DNAAF4: variants seen among roughly 807,000 people sequenced by gnomAD.
DNAAF4 encodes the protein dynein axonemal assembly factor 4.
DNAAF4 carries 43 observed loss-of-function variants against 51.8 expected under a neutral mutation model. The observed-to-expected ratio is 0.83, with a 90% confidence interval of 0.65 to 1.07. The LOEUF is 1.07. DNAAF4 is among the 50% of genes least tolerant of loss of function. The probability of loss-of-function intolerance (pLI) is 0.00; values close to 1 mark genes in which losing one functional copy is unlikely to be tolerated. For missense variants in DNAAF4, 581 were observed against 493.0 expected (o/e 1.18, Z -1.69); for synonymous variants, 194 against 165.6 (o/e 1.17, Z -1.32).
chr15:55,419,943 C>T (rs1389486411), intron 7 of DNAAF4, among the ~76,000 whole-genome samples: 3 of 151,864 alleles, frequency 2.0e-5, no homozygotes, highest in Admixed American at 6.6e-5. Flanking sequence ...GTGGAGGTTG[C>T]AGTGAGCCAA....
At chr15:55,462,601 C>T (rs191417809) in intron 5 of DNAAF4, among the ~76,000 whole-genome samples, 53 of 151,436 alleles carry the variant, frequency 3.5e-4, no homozygotes, top group African/African-American at 1.3e-3. Flanking sequence ...GCCAGTACTA[C>T]CCTAATACCA....
intron 5 of DNAAF4, among the ~76,000 whole-genome samples, chr15:55,458,708 G>A (rs750869729): frequency 2.0e-5 from 3 of 152,152 alleles, no homozygotes; most frequent in Non-Finnish European, 4.4e-5. Context: ...GGAATTCATT[G>A]CAAAAAGATC....
chr15:55,430,299 A>G (rs2057473835), downstream of DNAAF4: 4 of 808,288 alleles, frequency 4.9e-6, no homozygotes, highest in Non-Finnish European at 6.0e-6. Flanking sequence ...ATATTAATAC[A>G]AACAAAAGTT....
chr15:55,494,694 G>T (rs1469636428), intron 3 of DNAAF4, among the ~76,000 whole-genome samples: 1 of 152,188 alleles, frequency 6.6e-6, no homozygotes, highest in Non-Finnish European at 1.5e-5. Context: ...TTACAAGCAT[G>T]AGCCACTGCG....
chr15:55,425,286 TC>T (rs1566995876), intron 7 of DNAAF4, among the ~76,000 whole-genome samples: 1 of 152,012 alleles, frequency 6.6e-6, no homozygotes, highest in African/African-American at 2.4e-5. Context: ...TTCCCTACCA[TC>T]CCCCCGGTGA....
chr15:55,497,748 C>A lies in DNAAF4; in HGVS notation c.235G>T (p.Glu79Ter). Residue 79 changes from glutamate to a stop codon, truncating the protein, a stop_gained, in exon 3 of 10, where the codon GAA becomes TAA. Coordinates refer to ENST00000321149, the MANE Select transcript of DNAAF4 (RefSeq NM_130810.4). LOFTEE classifies it high-confidence loss of function. ...DTIVFTLYKKEAAMWETLSVT... is the reference protein window; with the variant it reads ...DTIVFTLYKK ...GAAAGGGTCTCCCACATGGCCGCTT[C>A]TTTTTTATACAAGGTGAAGACAATG... 1.9e-6 allele frequency: 3 copies of A among 1,587,894 alleles called. No individual in the cohort carries two copies.
chr15:55,478,917 G>A (rs563516947), intron 4 of DNAAF4, among the ~76,000 whole-genome samples: 1 of 152,180 alleles, frequency 6.6e-6, no homozygotes, highest in South Asian at 2.1e-4. Flanking sequence ...TATCTTCAAT[G>A]CAACCACCCC....
chr15:55,491,008 T>A (rs2058564229), intron 4 of DNAAF4, 115 bp downstream of exon 4: 2 of 1,219,622 alleles, frequency 1.6e-6, no homozygotes, highest in African/African-American at 1.5e-5. Flanking sequence ...ACATAGTAAG[T>A]CCTCTAAACA....
Position 55,430,709 on chromosome 15 carries a change from C to A in DNAAF4, c.1224G>T (p.Lys408Asn). 1 of 1,613,378 alleles carries A rather than the reference C, an allele frequency of 6.2e-7. No individual in the cohort carries two copies. The highest frequency in any genetic ancestry group is 8.5e-7 in the Non-Finnish European group (1 of 1,179,620). The change falls in exon 10 of 10, where the codon AAG (lysine) becomes AAT (asparagine). Residue 408 changes from lysine (K) to asparagine (N), a missense_variant. Transcript: ENST00000321149. ...SNKIVQIDAEKIRNVIQGTEL... is the reference protein window; with the variant it reads ...SNKIVQIDAENIRNVIQGTEL... ...CTGTTCCTTGAATTACATTCCGAAT[C>A]TTCTCAGCATCAATTTGTACAATTT...
chr15:55,500,039 CT>C (rs552570030), intron 1 of DNAAF4, among the ~76,000 whole-genome samples: 1 of 151,668 alleles, frequency 6.6e-6, no homozygotes, highest in Non-Finnish European at 1.5e-5. Context: ...TGATTTTCAA[CT>C]TTTTTTTAAC....
intron 4 of DNAAF4, among the ~76,000 whole-genome samples, chr15:55,477,904 GAA>G (rs68187085): frequency 3.5e-5 from 5 of 144,654 alleles, no homozygotes; most frequent in African/African-American, 1.3e-4. Context: ...TGTCTCTACT[GAA>G]AAAAAAAAAA....
intron 5 of DNAAF4, among the ~76,000 whole-genome samples, chr15:55,463,762 G>T (rs1377608436): frequency 6.6e-6 from 1 of 152,002 alleles, no homozygotes; most frequent in African/African-American, 2.4e-5. Context: ...AGAGGTGAAA[G>T]ATCTCACAAG....
intron 4 of DNAAF4, among the ~76,000 whole-genome samples, chr15:55,485,920 A>G (rs1249498928): frequency 6.8e-6 from 1 of 146,562 alleles, no homozygotes; most frequent in Non-Finnish European, 1.5e-5. Context: ...GCATGAACCC[A>G]GGAGGCAGAG....
At chr15:55,482,022 T>C (rs2058417837) in intron 4 of DNAAF4, among the ~76,000 whole-genome samples, 2 of 152,224 alleles carry the variant, frequency 1.3e-5, no homozygotes, top group Non-Finnish European at 2.9e-5. Flanking sequence ...TGAAAGAACA[T>C]TGCAATCGGG....
At chr15:55,489,089 A>AC (rs1413416210) in intron 4 of DNAAF4, among the ~76,000 whole-genome samples, 1 of 109,662 alleles carries the variant, frequency 9.1e-6, no homozygotes, top group Non-Finnish European at 1.8e-5. Flanking sequence ...ACTCCATCTC[A>AC]AAAAAAAAAA....
chr15:55,433,965 T>TATTATAATATATATA (rs1313700539), intron 8 of DNAAF4, among the ~76,000 whole-genome samples: 4 of 43,138 alleles, frequency 9.3e-5, no homozygotes, highest in African/African-American at 1.2e-4. Flanking sequence ...ATATATATAA[T>TATTATAATATATATA]ATATTTTATA....
At chr15:55,418,941 G>GTTTTTTTT (rs1243882949) in intron 7 of DNAAF4, among the ~76,000 whole-genome samples, 1 of 136,024 alleles carries the variant, frequency 7.4e-6, no homozygotes, top group Non-Finnish European at 1.5e-5. Context: ...TTTTTTTTGA[G>GTTTTTTTT]TGAGTTGGAG....
In DNAAF4 at chr15:55,430,668, C is replaced by CATTA. The variant is rs1453490463; in HGVS notation, c.1261_*1dup. 6.2e-7 allele frequency: 1 copy of CATTA among 1,611,040 alleles called. No individual in the cohort carries two copies. The highest frequency in any genetic ancestry group is 1.1e-5 in the South Asian group (1 of 90,654). ...ACAATACTTAGTTACTTCTAATAGTCATTAAGATTTTAGTTCTGTTCCTTG... is the reference window on the plus strand; with the variant it reads ...ACAATACTTAGTTACTTCTAATAGTCATTAATTAAGATTTTAGTTCTGTTCCTTG... On this transcript the variant is annotated 3_prime_UTR_variant, in exon 10 of 10. Coordinates refer to ENST00000321149, the MANE Select transcript of DNAAF4 (RefSeq NM_130810.4).
At chr15:55,482,331 T>C (rs1356701212) in intron 4 of DNAAF4, among the ~76,000 whole-genome samples, 6 of 152,126 alleles carry the variant, frequency 3.9e-5, no homozygotes, top group African/African-American at 1.4e-4. Context: ...TAAACAGAAT[T>C]ACAAATGACC....
Sources: allele counts gnomAD v4.1 joint callset (sites outside exome capture counted in the v4.1 genomes callset), GRCh38; gene constraint gnomAD v4.1.1; transcripts MANE v1.5; gene names NCBI Gene and HGNC (gene_info 2026-07-23, HGNC 2026-07-21).